GAREM1: variants seen among roughly 807,000 people sequenced by gnomAD.
The protein encoded by GAREM1 is GRB2-associated and regulator of MAPK protein 1.
GAREM1 carries 26 observed loss-of-function variants against 71.3 expected under a neutral mutation model. That is an observed-to-expected ratio of 0.36 (90% CI 0.27 to 0.51). The LOEUF (loss-of-function observed/expected upper bound fraction) is 0.51, where lower values mean the gene tolerates loss of function less well. Among genes scored for constraint, GAREM1 ranks in the 20% least tolerant of loss-of-function variants. The pLI is 0.95. For missense variants in GAREM1, 1,026 were observed against 1,103.1 expected, an observed-to-expected ratio of 0.93 and a Z score of 0.99; for synonymous variants, 440 against 433.2, an observed-to-expected ratio of 1.02 and a Z score of -0.20.
Position 32,288,161 on chromosome 18 carries a change from T to A in GAREM1, c.436A>T (p.Ile146Phe), listed in dbSNP as rs775663067. 6.2e-7 allele frequency: 1 copy of A among 1,613,150 alleles called. No homozygotes were observed. Among genetic ancestry groups the A allele is most frequent in the Admixed American group, 1.7e-5 (1 of 59,948 alleles). Reference sequence around the variant, plus strand: ...AGTTCATCCCCAGTACACAGGGTGATGTTGTAAACTTCAGTGTCTTCATTG... The same window carrying A: ...AGTTCATCCCCAGTACACAGGGTGAAGTTGTAAACTTCAGTGTCTTCATTG... ...ECNEDTEVYN[I>F]TLCTGDELTL... Residue 146 changes from isoleucine to phenylalanine, a missense_variant, in exon 4 of 6, where the codon ATC becomes TTC. Ile to Phe is a conservative substitution (Grantham distance 21, BLOSUM62 0). This residue lies in a region of GAREM1 where 218 missense variants were observed against 296.8 expected (regional missense o/e 0.73). Coordinates refer to ENST00000269209, the MANE Select transcript of GAREM1 (RefSeq NM_001242409.2).
intron 1 of GAREM1, among the ~76,000 whole-genome samples, chr18:32,401,942 A>G (rs1292067497): frequency 6.6e-6 from 1 of 152,208 alleles, no homozygotes; most frequent in African/African-American, 2.4e-5. Context: ...TTAAAGCCAT[A>G]AAGTAGTAAG....
intron 2 of GAREM1, among the ~76,000 whole-genome samples, chr18:32,371,113 C>A (rs1186127019): frequency 6.6e-6 from 1 of 152,034 alleles, no homozygotes; most frequent in Non-Finnish European, 1.5e-5. Context: ...GAAGCCCAAT[C>A]TTCCAGGTGG....
intron 2 of GAREM1, among the ~76,000 whole-genome samples, chr18:32,367,994 T>G (rs143428629): frequency 6.6e-6 from 1 of 152,272 alleles, no homozygotes; most frequent in African/African-American, 2.4e-5. Flanking sequence ...TATTCACTTT[T>G]CTCTAAACAT....
intron 2 of GAREM1, among the ~76,000 whole-genome samples, chr18:32,366,736 T>C (rs2047931721): frequency 6.6e-6 from 1 of 152,214 alleles, no homozygotes; most frequent in Non-Finnish European, 1.5e-5. Flanking sequence ...TAAAGAGTGA[T>C]TTAAATTATG....
chr18:32,406,644 C>G (rs557517652), intron 1 of GAREM1, among the ~76,000 whole-genome samples: 3 of 152,248 alleles, frequency 2.0e-5, no homozygotes, highest in African/African-American at 7.2e-5. Flanking sequence ...AAAGAAATAA[C>G]TAATTGGCAA....
intron 1 of GAREM1, among the ~76,000 whole-genome samples, chr18:32,418,207 T>C (rs1171619856): frequency 6.6e-6 from 1 of 152,166 alleles, no homozygotes; most frequent in Non-Finnish European, 1.5e-5. Context: ...CACATACATA[T>C]AATAGAGCAA....
intron 2 of GAREM1, among the ~76,000 whole-genome samples, chr18:32,374,643 T>C (rs1285686714): frequency 1.3e-5 from 2 of 152,222 alleles, no homozygotes; most frequent in Non-Finnish European, 1.5e-5. Context: ...TGAAAATGCC[T>C]GAGTGATTCT....
intron 2 of GAREM1, among the ~76,000 whole-genome samples, chr18:32,385,444 C>T (rs1000062618): frequency 6.6e-6 from 1 of 152,024 alleles, no homozygotes; most frequent in Non-Finnish European, 1.5e-5. Flanking sequence ...CTGATCACCC[C>T]CCTAGGCCCA....
chr18:32,321,162 T>C (rs1302483146), intron 2 of GAREM1, among the ~76,000 whole-genome samples: 2 of 152,162 alleles, frequency 1.3e-5, no homozygotes, highest in Non-Finnish European at 2.9e-5. Flanking sequence ...GTAGAATAAA[T>C]GAATAAATAA....
At chr18:32,284,952 T>C (rs1023845796) in intron 4 of GAREM1, among the ~76,000 whole-genome samples, 3 of 151,986 alleles carry the variant, frequency 2.0e-5, no homozygotes, top group African/African-American at 7.2e-5. Flanking sequence ...GGTTTCACCG[T>C]GTTAGCCAGG....
At chr18:32,441,022 T>A (rs8091089) in intron 1 of GAREM1, among the ~76,000 whole-genome samples, 33,167 of 152,092 alleles carry the variant, frequency 0.22, 4,336 homozygotes, top group East Asian at 0.39. Context: ...AGCTGTATAT[T>A]TAAAAAATAG....
At chr18:32,378,030 G>GTGTGTGTT (rs2048051726) in intron 2 of GAREM1, among the ~76,000 whole-genome samples, 1 of 147,624 alleles carries the variant, frequency 6.8e-6, no homozygotes, top group Non-Finnish European at 1.5e-5. Flanking sequence ...GTGTGTGTGT[G>GTGTGTGTT]TGTGTGTGTG....
chr18:32,272,655 C>T (rs1190824717), intron 4 of GAREM1, among the ~76,000 whole-genome samples: 2 of 151,626 alleles, frequency 1.3e-5, no homozygotes, highest in Non-Finnish European at 2.9e-5. Context: ...CGGAGTTTCA[C>T]TCTTGTTGCC....
intron 1 of GAREM1, among the ~76,000 whole-genome samples, chr18:32,422,513 C>T (rs1376400590): frequency 6.6e-6 from 1 of 152,180 alleles, no homozygotes; most frequent in Non-Finnish European, 1.5e-5. Context: ...AATAATGATG[C>T]TCAATGTATG....
At chr18:32,468,997 T>C (rs1185009620) in intron 1 of GAREM1, among the ~76,000 whole-genome samples, 3 of 59,892 alleles carry the variant, frequency 5.0e-5, no homozygotes, top group Non-Finnish European at 9.3e-5. Flanking sequence ...CTTCAACAGC[T>C]ACTGTGATCT....
At chr18:32,368,117 C>T (rs1399334728) in intron 2 of GAREM1, among the ~76,000 whole-genome samples, 1 of 151,770 alleles carries the variant, frequency 6.6e-6, no homozygotes, top group Admixed American at 6.6e-5. Context: ...GCCTTGATCT[C>T]CCAAGAAGCC....
chr18:32,417,526 T>A (rs1413936516), intron 1 of GAREM1, among the ~76,000 whole-genome samples: 5 of 151,930 alleles, frequency 3.3e-5, no homozygotes, highest in Non-Finnish European at 7.4e-5. Context: ...GACAATGGAG[T>A]ACTATTCAGC....
chr18:32,440,564 C>T lies in GAREM1; in HGVS notation c.121+29744G>A, dbSNP rs140840506. 2.5e-3 allele frequency among the ~76,000 whole-genome samples: 383 copies of T among 152,240 alleles called. 1 individual carries two copies. Among genetic ancestry groups the T allele is most frequent in the African/African-American group, 8.6e-3 (358 of 41,550 alleles). On this transcript the variant is annotated intron_variant, in intron 1 of 5. Transcript: ENST00000269209. ...GATTTTGTTCCTTCCTTTAAGAGTA[C>T]AATACTAAGTTTTGATTCTACAATG...
intron 1 of GAREM1, among the ~76,000 whole-genome samples, chr18:32,465,814 T>C (rs2048993590): frequency 6.6e-6 from 1 of 152,232 alleles, no homozygotes; most frequent in Non-Finnish European, 1.5e-5. Context: ...GGTCCACGCT[T>C]GCGTTGGACA....
Sources: allele counts gnomAD v4.1 joint callset (sites outside exome capture counted in the v4.1 genomes callset), GRCh38; gene constraint gnomAD v4.1.1; regional missense constraint gnomAD v4.1.1; transcripts MANE v1.5; gene names NCBI Gene and HGNC (gene_info 2026-07-23, HGNC 2026-07-21).